UBR1: variants seen among roughly 807,000 people sequenced by gnomAD.
UBR1 encodes the protein E3 ubiquitin-protein ligase UBR1.
Under a neutral mutation model 242.1 loss-of-function variants are expected in UBR1, and 102 were observed. The ratio of observed to expected loss-of-function variants is 0.42; its 90% CI spans 0.36 to 0.50. The LOEUF is 0.50. UBR1 is among the 20% of genes least tolerant of loss of function. The pLI is 0.01. For synonymous variants in UBR1, 675 were observed against 684.8 expected (o/e 0.99, Z 0.22); for missense variants, 1,772 against 2,101.8 (o/e 0.84, Z 3.07).
At chr15:43,079,299 CG>C (rs2141354842) in intron 3 of UBR1, among the ~76,000 whole-genome samples, 1 of 151,572 alleles carries the variant, frequency 6.6e-6, no homozygotes, top group East Asian at 1.9e-4. Context: ...AACCTCGTCT[CG>C]GTTAAAAAAA....
rs1295924765 is a variant in UBR1, at chr15:43,036,520, A to C, written c.2088+8T>G. On this transcript the variant is annotated splice_region_variant and intron_variant, in intron 18 of 46. Transcript: ENST00000290650. ...GACACAAATATCAGAAACAATTTAA[A>C]TAGGTACCTGAAGCATGATGATATC... is the stretch of plus-strand genomic sequence containing the variant. 4 of 1,581,956 alleles carry C rather than the reference A, an allele frequency of 2.5e-6. No individual in the cohort carries two copies. The highest frequency in any genetic ancestry group is 3.5e-6 in the Non-Finnish European group (4 of 1,151,510).
At chr15:43,010,818 C>CAAAAAA (rs768275252) in intron 29 of UBR1, among the ~76,000 whole-genome samples, 9 of 56,966 alleles carry the variant, frequency 1.6e-4, no homozygotes, top group African/African-American at 2.2e-4. Flanking sequence ...ACTAAAAATA[C>CAAAAAA]AAAAAAAAAA....
intron 1 of UBR1, among the ~76,000 whole-genome samples, chr15:43,105,428 C>A (rs945002214): frequency 2.0e-5 from 3 of 152,194 alleles, no homozygotes; most frequent in African/African-American, 7.2e-5. Flanking sequence ...TGATGGGTTT[C>A]TCCACTGAGG....
chr15:43,023,224 A>C (rs2033133355), intron 25 of UBR1, among the ~76,000 whole-genome samples: 1 of 152,178 alleles, frequency 6.6e-6, no homozygotes, highest in South Asian at 2.1e-4. Context: ...TGATAGGTAA[A>C]AAACACGGAA....
intron 1 of UBR1, among the ~76,000 whole-genome samples, chr15:43,100,242 A>G (rs1449022757): frequency 6.6e-6 from 1 of 151,988 alleles, no homozygotes; most frequent in Non-Finnish European, 1.5e-5. Context: ...TCAAATTCTA[A>G]AATGCCCCTT....
chr15:43,006,060 G>A (rs1180153957), intron 30 of UBR1, among the ~76,000 whole-genome samples: 12 of 135,936 alleles, frequency 8.8e-5, no homozygotes, highest in South Asian at 2.4e-4. Context: ...TCCCCCTCTC[G>A]GAGAAACACC....
intron 12 of UBR1, among the ~76,000 whole-genome samples, chr15:43,051,515 C>T (rs1416204893): frequency 6.6e-6 from 1 of 152,048 alleles, no homozygotes; most frequent in Admixed American, 6.6e-5. Flanking sequence ...TAACAACAAA[C>T]CCCCATGACA....
chr15:43,042,778 C>A (rs1021967118), intron 15 of UBR1, among the ~76,000 whole-genome samples: 1 of 151,960 alleles, frequency 6.6e-6, no homozygotes, highest in Non-Finnish European at 1.5e-5. Flanking sequence ...TTTTTAAAAA[C>A]CCTGACAAAT....
At chr15:43,067,876 A>C in intron 6 of UBR1, 22 bp downstream of exon 6, 1 of 1,613,948 alleles carries the variant, frequency 6.2e-7, no homozygotes, top group Non-Finnish European at 8.5e-7. Context: ...ACAGAAACGC[A>C]ATTCAAAAGG....
At chr15:42,957,923 A>G (rs1209383441) in intron 44 of UBR1, 90 bp downstream of exon 44, 1 of 1,140,508 alleles carries the variant, frequency 8.8e-7, no homozygotes, top group Non-Finnish European at 1.3e-6. Context: ...AAAAACAAAA[A>G]CAAGGAAGTG....
chr15:42,997,773 T>C (rs918588218), intron 33 of UBR1, among the ~76,000 whole-genome samples: 1 of 152,186 alleles, frequency 6.6e-6, no homozygotes, highest in African/African-American at 2.4e-5. Flanking sequence ...ATAAAATAGG[T>C]ACTATTATAA....
Position 43,086,224 on chromosome 15 carries a change from A to G in UBR1, c.98T>C (p.Val33Ala), listed in dbSNP as rs528718889. The G allele has an allele frequency of 3.7e-6, 6 of 1,613,844 alleles. No individual in the cohort carries two copies. Among genetic ancestry groups the G allele is most frequent in the African/African-American group, 2.7e-5 (2 of 74,920 alleles). The change falls in exon 2 of 47, where the codon GTT (valine) becomes GCT (alanine). Residue 33 changes from valine (V) to alanine (A), a missense_variant. Physicochemically the swap from Val to Ala is moderately conservative, Grantham distance 64. Transcript: ENST00000290650. ...QRLASWWDQQ[V>A]DFYTAFLHHL... ...ATGCAAGAAAGCAGTATAAAAATCA[A>G]CTTGCTGATCCCACCACTAAAAGAA...
intron 35 of UBR1, among the ~76,000 whole-genome samples, chr15:42,987,525 C>T (rs2032487295): frequency 6.6e-6 from 1 of 151,974 alleles, no homozygotes. Flanking sequence ...ACCATCCTGG[C>T]CAACATGGTG....
At chr15:42,998,675 T>C (rs1661040358) in intron 32 of UBR1, among the ~76,000 whole-genome samples, 1 of 152,056 alleles carries the variant, frequency 6.6e-6, no homozygotes, top group South Asian at 2.1e-4. Flanking sequence ...TACTACCCCC[T>C]AATCCAAGTC....
In UBR1 at chr15:43,005,308, G is replaced by C. The variant is rs1164838828; in HGVS notation, c.3416-1378C>G. 2.4e-4 allele frequency among the ~76,000 whole-genome samples: 35 copies of C among 147,292 alleles called. 2 individuals are homozygous for C. In the East Asian group the frequency reaches 7.1e-3, roughly 30 times the overall value. On this transcript the variant is annotated intron_variant, in intron 30 of 46. Coordinates refer to ENST00000290650, the MANE Select transcript of UBR1 (RefSeq NM_174916.3). ...GGGAGGTGGGGGGCAGCCCCCGCCC[G>C]GCAGCCGCCCCATCCGGGAGGTGGG...
At chr15:42,952,918 ATTTCT>A (rs778539111) in intron 44 of UBR1, among the ~76,000 whole-genome samples, 9 of 150,266 alleles carry the variant, frequency 6.0e-5, no homozygotes, top group Non-Finnish European at 1.2e-4. Context: ...CATTCCCCCC[ATTTCT>A]TTTCTTTTCT....
rs142546440 is a variant in UBR1, at chr15:43,034,843, C to T, written c.2190+1335G>A. Among the ~76,000 whole-genome samples the T allele has an allele frequency of 4.1e-3, 612 of 149,306 alleles. 10 individuals are homozygous for T. Among genetic ancestry groups the T allele is most frequent in the African/African-American group, 0.014 (583 of 40,612 alleles). On this transcript the variant is annotated intron_variant, in intron 19 of 46. Coordinates refer to ENST00000290650, the MANE Select transcript of UBR1 (RefSeq NM_174916.3). ...CAGAGGTTATGGTGAGCCGAGATCG[C>T]GCCATTGCACTCTAACCTGGGCAAC...
chr15:42,998,934 T>C (rs2032680416), intron 32 of UBR1, among the ~76,000 whole-genome samples: 1 of 138,416 alleles, frequency 7.2e-6, no homozygotes, highest in Non-Finnish European at 1.6e-5. Flanking sequence ...CTTGGAGCCT[T>C]TGCTTTTTTT....
intron 3 of UBR1, among the ~76,000 whole-genome samples, chr15:43,075,955 T>C (rs903799478): frequency 1.1e-5 from 1 of 94,324 alleles, no homozygotes; most frequent in Non-Finnish European, 2.2e-5. Context: ...AAAAAACTCA[T>C]GCCCTCTCCC....
Sources: allele counts gnomAD v4.1 joint callset (sites outside exome capture counted in the v4.1 genomes callset), GRCh38; gene constraint gnomAD v4.1.1; transcripts MANE v1.5; gene names NCBI Gene and HGNC (gene_info 2026-07-23, HGNC 2026-07-21).